FGF13: variants seen among roughly 807,000 people sequenced by gnomAD.
FGF13 encodes fibroblast growth factor 13.
In FGF13, 2 loss-of-function variants were observed where a neutral mutation model predicts 19.5. The observed-to-expected ratio is 0.10, with a 90% CI of 0.04 to 0.32. FGF13 has a LOEUF of 0.32. FGF13 is among the 10% of genes least tolerant of loss of function. The probability of loss-of-function intolerance (pLI) is 1.00; values close to 1 mark genes in which losing one functional copy is unlikely to be tolerated. For synonymous variants in FGF13, 72 were observed against 76.9 expected (o/e 0.94, Z 0.33); for missense variants, 113 against 192.7 (o/e 0.59, Z 2.45).
rs2091972786 is a variant in FGF13, at chrX:138,983,435, A to ATATATATAT, written c.-112-118786_-112-118785insATATATATA. On this transcript the variant is annotated intron_variant, in intron 1 of 2. Coordinates refer to the FGF13 transcript ENST00000421460. ...GATCTTATATATATATATATATATG[A>ATATATATAT]GTTTATTTCTGGGGAAATGTAAATC... 4.6e-4 allele frequency among the ~76,000 whole-genome samples: 11 copies of ATATATATAT among 23,835 alleles called. No homozygotes were observed. The South Asian group carries it at 0.017, about 37-fold the overall frequency. 20.7% of individuals were successfully genotyped at this position (23,835 alleles called of 115,157 possible).
chrX:138,833,055 G>A (rs1193491358), intron 3 of FGF13, among the ~76,000 whole-genome samples: 1 of 111,765 alleles, frequency 8.9e-6, no homozygotes, highest in African/African-American at 3.3e-5. Flanking sequence ...TGTGGTTTTG[G>A]TTACTGTAGT....
chrX:139,018,618 A>G (rs1418224333), intron 1 of FGF13, among the ~76,000 whole-genome samples: 1 of 111,177 alleles, frequency 9.0e-6, no homozygotes, highest in African/African-American at 3.3e-5. Context: ...ACTGTGATGC[A>G]GCTGAGGAGA....
chrX:139,017,352 T>TATATATATATAC lies in FGF13; in HGVS notation c.-112-152703_-112-152702insGTATATATATAT, dbSNP rs1556336371. On this transcript the variant is annotated intron_variant, in intron 1 of 2. Coordinates refer to the FGF13 transcript ENST00000421460. ...ATATACATGTATGTATATATATATATACACACACACACACACAAATGTATA... is the reference window on the plus strand; with the variant it reads ...ATATACATGTATGTATATATATATATATATATATATACACACACACACACACACAAATGTATA... Among the ~76,000 whole-genome samples, 70 of 107,411 alleles carry TATATATATATAC rather than the reference T, an allele frequency of 6.5e-4. 1 individual carries two copies. Among genetic ancestry groups the TATATATATATAC allele is most frequent in the African/African-American group, 2.3e-3 (67 of 29,385 alleles). 93.3% of individuals were successfully genotyped at this position (107,411 alleles called of 115,157 possible).
intron 1 of FGF13, among the ~76,000 whole-genome samples, chrX:139,042,552 C>T (rs978322651): frequency 2.0e-4 from 19 of 96,641 alleles, no homozygotes; most frequent in African/African-American, 7.2e-4. Context: ...TGTTGTCTAG[C>T]TATTAACATG....
intron 3 of FGF13, among the ~76,000 whole-genome samples, chrX:138,788,911 G>A (rs1405897809): frequency 9.0e-6 from 1 of 111,576 alleles, no homozygotes; most frequent in African/African-American, 3.3e-5. Flanking sequence ...CAGTGAGAAG[G>A]AACCAAACTG....
intron 1 of FGF13, among the ~76,000 whole-genome samples, chrX:139,124,205 A>G (rs1229474133): frequency 8.9e-6 from 1 of 112,290 alleles, no homozygotes; most frequent in Non-Finnish European, 1.9e-5. Flanking sequence ...TGGCTAATAA[A>G]CTGCTGTCAG....
chrX:138,933,187 G>A (rs890252379), intron 1 of FGF13, among the ~76,000 whole-genome samples: 1 of 111,891 alleles, frequency 8.9e-6, no homozygotes, highest in South Asian at 3.7e-4. Flanking sequence ...AGTCTGTGAG[G>A]TTACTGAGGG....
intron 3 of FGF13, among the ~76,000 whole-genome samples, chrX:138,806,125 A>T (rs930351812): frequency 4.5e-5 from 5 of 112,168 alleles, no homozygotes; most frequent in Non-Finnish European, 7.5e-5. Flanking sequence ...ATCTTACTCT[A>T]GTCATTTTTG....
chrX:138,627,601 G>C lies in FGF13; in HGVS notation c.*5249C>G, dbSNP rs113958033. 1 of 84,870 alleles carries C rather than the reference G, an allele frequency of 1.2e-5. No individual in the cohort carries two copies. The highest frequency in any genetic ancestry group is 2.3e-5 in the Non-Finnish European group (1 of 43,064). 7.0% of individuals were successfully genotyped at this position (84,870 alleles called of 1,213,427 possible). On this transcript the variant is annotated 3_prime_UTR_variant, in exon 5 of 5. Transcript: ENST00000315930. ...GCCCATCTAGTGTGTGTGTGCCTGT[G>C]TGTGTGTGTGTGTGTGTGTGTGTGT... is the stretch of plus-strand genomic sequence containing the variant.
At chrX:138,815,292 A>ATTATTTAAGTATACAATACTAC (rs2090954119) in intron 3 of FGF13, among the ~76,000 whole-genome samples, 1 of 110,999 alleles carries the variant, frequency 9.0e-6, no homozygotes, top group Non-Finnish European at 1.9e-5. Context: ...ATAATACTAC[A>ATTATTTAAGTATACAATACTAC]TTGTATACTT....
intron 1 of FGF13, among the ~76,000 whole-genome samples, chrX:138,921,781 A>AT (rs767857793): frequency 6.3e-4 from 69 of 110,256 alleles, no homozygotes; most frequent in African/African-American, 2.2e-3. Flanking sequence ...GTTGTGATGT[A>AT]TTTTTTTCCA....
chrX:138,667,280 G>A (rs1602675360), intron 3 of FGF13, among the ~76,000 whole-genome samples: 2 of 107,996 alleles, frequency 1.9e-5, no homozygotes, highest in African/African-American at 6.7e-5. Flanking sequence ...TATAGAGAGA[G>A]AGAGAGAAAG....
At chrX:138,671,147 C>T (rs2089607521) in intron 3 of FGF13, among the ~76,000 whole-genome samples, 1 of 110,930 alleles carries the variant, frequency 9.0e-6, no homozygotes, top group African/African-American at 3.3e-5. Flanking sequence ...ATGTATATTT[C>T]AAATACTCAC....
intron 3 of FGF13, among the ~76,000 whole-genome samples, chrX:138,811,585 A>G (rs1194799367): frequency 1.8e-5 from 2 of 110,908 alleles, no homozygotes; most frequent in Non-Finnish European, 3.8e-5. Context: ...CCTAGAATTT[A>G]AAGTATAATA....
At chrX:138,974,883 T>C (rs1473672767) in intron 1 of FGF13, among the ~76,000 whole-genome samples, 3 of 112,401 alleles carry the variant, frequency 2.7e-5, no homozygotes, top group Non-Finnish European at 5.6e-5. Context: ...GAAACTCATA[T>C]CTAGTGCAAT....
intron 3 of FGF13, among the ~76,000 whole-genome samples, chrX:138,787,907 G>C (rs2090706980): frequency 9.0e-6 from 1 of 111,535 alleles, no homozygotes. Flanking sequence ...CATTGGGATT[G>C]GATTTCAACA....
chrX:139,159,471 C>T (rs1422445980), intron 1 of FGF13, among the ~76,000 whole-genome samples: 1 of 111,077 alleles, frequency 9.0e-6, no homozygotes. Context: ...CAAATTCACA[C>T]ATAACAGTAT....
chrX:139,087,373 A>G (rs73243309), intron 1 of FGF13, among the ~76,000 whole-genome samples: 2,580 of 111,859 alleles, frequency 0.023, 38 homozygotes, highest in Middle Eastern at 0.06. Flanking sequence ...TAACAGATTT[A>G]GAATTCAAGT....
intron 1 of FGF13, among the ~76,000 whole-genome samples, chrX:138,933,372 A>T (rs1193740685): frequency 8.9e-6 from 1 of 112,121 alleles, no homozygotes; most frequent in Non-Finnish European, 1.9e-5. Flanking sequence ...ACCCAGTGGC[A>T]TGACTTGGGG....
Sources: gnomAD v4.1 joint callset for allele counts (sites outside exome capture counted in the v4.1 genomes callset) on GRCh38, gnomAD v4.1.1 for gene constraint, MANE v1.5 for transcripts, NCBI Gene and HGNC (gene_info 2026-07-23, HGNC 2026-07-21) for gene names.